NANP: variants seen among roughly 807,000 people sequenced by gnomAD.
NANP encodes the protein N-acetylneuraminic acid phosphatase, also known as N-acylneuraminate-9-phosphatase.
In NANP, 15 loss-of-function variants were observed where a neutral mutation model predicts 16.9. That is an observed-to-expected ratio of 0.89 (90% confidence interval 0.59 to 1.37). The LOEUF is 1.37. NANP is among the 40% of genes most tolerant of loss of function. NANP has a pLI of 0.00. For missense variants in NANP, 290 were observed against 303.5 expected, an observed-to-expected ratio of 0.96 and a Z score of 0.33; for synonymous variants, 135 against 112.6, an observed-to-expected ratio of 1.20 and a Z score of -1.26.
chr20:25,621,692 C>G (rs6115229), intron 1 of NANP, among the ~76,000 whole-genome samples: 62,213 of 152,060 alleles, frequency 0.41, 13,893 homozygotes, highest in East Asian at 0.91. Context: ...GTAGCTGGGA[C>G]TACAGGCGCC....
rs1377656361 is a variant in NANP at position 25,615,013 on chromosome 20, A to G, written c.*912T>C. ...AAAAAAGGAACAGATTGGGGGCTGC[A>G]TTGTTAGGCTACACTGAGGAAATGT... is the stretch of plus-strand genomic sequence containing the variant. On this transcript the variant is annotated 3_prime_UTR_variant, in exon 2 of 2. Coordinates refer to ENST00000304788, the MANE Select transcript of NANP (RefSeq NM_152667.3). 6.6e-6 allele frequency: 1 copy of G among 152,158 alleles called. No individual in the cohort carries two copies. The highest frequency in any genetic ancestry group is 1.9e-4 in the East Asian group (1 of 5,198). 9.4% of individuals were successfully genotyped at this position (152,158 alleles called of 1,614,324 possible). A position where few individuals can be genotyped will look rare whatever the true frequency, so the allele number is the denominator to read the frequency against.
rs897285080 is a variant in NANP at position 25,614,230 on chromosome 20, C to A, written c.*1695G>T. On this transcript the variant is annotated 3_prime_UTR_variant, in exon 2 of 2. Transcript: ENST00000304788. Reference sequence around the variant, plus strand: ...AAAGAAATAGGCTCACAGATAGGTACAATCTACAATTTGATTCTCTGAGTA... The same window carrying A: ...AAAGAAATAGGCTCACAGATAGGTAAAATCTACAATTTGATTCTCTGAGTA... 1 of 169,396 alleles carries A rather than the reference C, an allele frequency of 5.9e-6. No homozygotes were observed. The highest frequency in any genetic ancestry group is 2.4e-5 in the African/African-American group (1 of 42,184). 10.5% of individuals were successfully genotyped at this position (169,396 alleles called of 1,614,324 possible).
At position 25,616,067 on chromosome 20, in the gene NANP, C is replaced by G. The variant is rs747400690; in HGVS notation, c.605G>C (p.Gly202Ala). 6.2e-7 allele frequency: 1 copy of G among 1,614,184 alleles called. No homozygotes were observed. Among genetic ancestry groups the G allele is most frequent in the East Asian group, 2.2e-5 (1 of 44,884 alleles). The change falls in exon 2 of 2, where the codon GGA becomes GCA. Residue 202 changes from glycine (G) to alanine (A), a missense_variant. Transcript: ENST00000304788. ...ETDIQGGLNA[G>A]LKATVWINKN... is the part of the protein sequence containing the mutation. ...ATTGATCCAGACTGTTGCTTTCAAT[C>G]CTGCATTGAGGCCTCCTTGGATGTC...
rs1008796232 is a variant in NANP at position 25,613,113 on chromosome 20, A to T, written c.*2812T>A. On this transcript the variant is annotated 3_prime_UTR_variant, in exon 2 of 2. Transcript: ENST00000304788. ...GATCCCATACACATATTAATGTTAT[A>T]CTATAAAATGTTATATTTATATTTA... The T allele has an allele frequency of 2.6e-5, 4 of 151,870 alleles. No individual in the cohort carries two copies. The highest frequency in any genetic ancestry group is 7.3e-5 in the African/African-American group (3 of 41,378). 9.4% of individuals were successfully genotyped at this position (151,870 alleles called of 1,614,324 possible). A position where few individuals can be genotyped will look rare whatever the true frequency, so the allele number is the denominator to read the frequency against.
Position 25,613,745 on chromosome 20 carries a change from A to AT in NANP, c.*2179dup. The AT allele has an allele frequency of 2.5e-6, 1 of 398,480 alleles. No individual in the cohort carries two copies. Among genetic ancestry groups the AT allele is most frequent in the Non-Finnish European group, 4.4e-6 (1 of 226,004 alleles). 24.7% of individuals were successfully genotyped at this position (398,480 alleles called of 1,614,324 possible). On this transcript the variant is annotated 3_prime_UTR_variant, in exon 2 of 2. Coordinates refer to ENST00000304788, the MANE Select transcript of NANP (RefSeq NM_152667.3). Reference sequence around the variant, plus strand: ...GAAGACAAGGAAATTTAATTATTCAATTTTTTCCTTCTACATCATTTCTGC... The same window carrying AT: ...GAAGACAAGGAAATTTAATTATTCAATTTTTTTCCTTCTACATCATTTCTGC...
Position 25,615,855 on chromosome 20 carries a change from G to T in NANP, c.*70C>A. The T allele has an allele frequency of 7.2e-7, 1 of 1,386,108 alleles. No homozygotes were observed. Among genetic ancestry groups the T allele is most frequent in the Non-Finnish European group, 9.9e-7 (1 of 1,014,836 alleles). 85.9% of individuals were successfully genotyped at this position (1,386,108 alleles called of 1,614,324 possible). A position where few individuals can be genotyped will look rare whatever the true frequency, so the allele number is the denominator to read the frequency against. On this transcript the variant is annotated 3_prime_UTR_variant, in exon 2 of 2. Transcript: ENST00000304788. ...AGAGCTGGATTATCATAAGTGGAGTGCCCTAACTTTTCTTATTTCATACTC... is the reference window on the plus strand; with the variant it reads ...AGAGCTGGATTATCATAAGTGGAGTTCCCTAACTTTTCTTATTTCATACTC...
In NANP at chr20:25,615,163, C is replaced by T. The variant is rs2065337812; in HGVS notation, c.*762G>A. On this transcript the variant is annotated 3_prime_UTR_variant, in exon 2 of 2. Coordinates refer to ENST00000304788, the MANE Select transcript of NANP (RefSeq NM_152667.3). ...CTGGGAAAAGACAGTAAAAACATTT[C>T]CTTGAGAGGTGAAGACTAAAAGGAA... 1 of 152,510 alleles carries T rather than the reference C, an allele frequency of 6.6e-6. No individual in the cohort carries two copies. The highest frequency in any genetic ancestry group is 2.4e-5 in the African/African-American group (1 of 41,396). 9.4% of individuals were successfully genotyped at this position (152,510 alleles called of 1,614,324 possible).
At chr20:25,622,027 G>A (rs1320883517) in intron 1 of NANP, among the ~76,000 whole-genome samples, 1 of 152,204 alleles carries the variant, frequency 6.6e-6, no homozygotes, top group East Asian at 1.9e-4. Flanking sequence ...TTTAGTAGTA[G>A]GCACCTGAGT....
rs368803135 is a variant in NANP at position 25,615,975 on chromosome 20, A to G, written c.697T>C (p.Leu233=). The change falls in exon 2 of 2, where the codon TTA becomes CTA. Residue 233 remains leucine (L), a synonymous_variant. Transcript: ENST00000304788. The stretch of plus-strand genomic sequence containing the variant: ...TCTATACTTTGTAAGAGAGCAGGTA[A>G]CTCTAGCACAGAAGAAACCATGTAA... The part of the protein sequence containing the change: ...PHYMVSSVLE[L]PALLQSIDCK... The G allele has an allele frequency of 1.9e-6, 3 of 1,613,974 alleles. No homozygotes were observed. The highest frequency in any genetic ancestry group is 1.7e-6 in the Non-Finnish European group (2 of 1,180,020).
chr20:25,619,573 G>C (rs2065357316), intron 1 of NANP, among the ~76,000 whole-genome samples: 1 of 152,086 alleles, frequency 6.6e-6, no homozygotes, highest in African/African-American at 2.4e-5. Context: ...CCAGCCCTAG[G>C]AATTTTAGGT....
At chr20:25,621,417 G>A (rs2065363729) in intron 1 of NANP, among the ~76,000 whole-genome samples, 1 of 152,048 alleles carries the variant, frequency 6.6e-6, no homozygotes, top group South Asian at 2.1e-4. Flanking sequence ...TGAAAAACAG[G>A]TCTAAAGAGG....
rs879695294 is a variant in NANP at position 25,615,315 on chromosome 20, G to GA, written c.*609dup. On this transcript the variant is annotated 3_prime_UTR_variant, in exon 2 of 2. Coordinates refer to ENST00000304788, the MANE Select transcript of NANP (RefSeq NM_152667.3). ...ATAGAAAAATTGCTCCCTGCCCTCT[G>GA]AAAAAAAAAAAAATGTCATACAGAA... 173 of 134,950 alleles carry GA rather than the reference G, an allele frequency of 1.3e-3. No individual in the cohort carries two copies. The highest frequency in any genetic ancestry group is 1.8e-3 in the African/African-American group (65 of 36,680). The allele number at this position is 134,950 out of a possible 1,614,324, so 8.4% of individuals were successfully genotyped here. A position where few individuals can be genotyped will look rare whatever the true frequency, so the allele number is the denominator to read the frequency against.
chr20:25,617,280 C>G (rs906159766), intron 1 of NANP, among the ~76,000 whole-genome samples: 1 of 152,120 alleles, frequency 6.6e-6, no homozygotes, highest in Non-Finnish European at 1.5e-5. Context: ...GGCACCAGCT[C>G]GGCTCACTGC....
intron 1 of NANP, among the ~76,000 whole-genome samples, chr20:25,622,171 G>T (rs1468563019): frequency 6.6e-6 from 1 of 152,184 alleles, no homozygotes; most frequent in African/African-American, 2.4e-5. Flanking sequence ...TATTGCTGTG[G>T]CAAGAATGTG....
In NANP at chr20:25,616,043, T is replaced by C. The variant is rs761385972; in HGVS notation, c.629A>G (p.Asn210Ser). ...NAGLKATVWINKNGIVPLKSS... is the reference protein window; with the variant it reads ...NAGLKATVWISKNGIVPLKSS... ...CTTCAGTGGCACTATTCCATTTTTATTGATCCAGACTGTTGCTTTCAATCC... is the reference window on the plus strand; with the variant it reads ...CTTCAGTGGCACTATTCCATTTTTACTGATCCAGACTGTTGCTTTCAATCC... Residue 210 changes from asparagine (N) to serine (S), a missense_variant, in exon 2 of 2, where the codon AAT (asparagine) becomes AGT (serine). By Grantham distance (46) the Asn-to-Ser change is conservative (BLOSUM62 1). Coordinates refer to ENST00000304788, the MANE Select transcript of NANP (RefSeq NM_152667.3). 9 of 1,614,248 alleles carry C rather than the reference T, an allele frequency of 5.6e-6. No homozygotes were observed. Among genetic ancestry groups the C allele is most frequent in the Non-Finnish European group, 6.8e-6 (8 of 1,180,042 alleles).
rs1180227612 is a variant in NANP, at chr20:25,616,093, G to A, written c.579C>T (p.Thr193=). ...DCVMVGDTLE[T]DIQGGLNAGL... Reference sequence around the variant, plus strand: ...CTGCATTGAGGCCTCCTTGGATGTCGGTTTCTAATGTGTCACCGACCATCA... The same window carrying A: ...CTGCATTGAGGCCTCCTTGGATGTCAGTTTCTAATGTGTCACCGACCATCA... The change falls in exon 2 of 2, where the codon ACC becomes ACT. Residue 193 remains threonine (T), a synonymous_variant. Transcript: ENST00000304788. 1.5e-5 allele frequency: 24 copies of A among 1,613,954 alleles called. No homozygotes were observed. The highest frequency in any genetic ancestry group is 2.2e-5 in the South Asian group (2 of 91,078).
chr20:25,621,482 A>T (rs1216089310), intron 1 of NANP, among the ~76,000 whole-genome samples: 1 of 152,246 alleles, frequency 6.6e-6, no homozygotes, highest in East Asian at 1.9e-4. Flanking sequence ...TGATACATAC[A>T]GTCAGTATAT....
At chr20:25,617,644 G>A (rs1010804831) in intron 1 of NANP, among the ~76,000 whole-genome samples, 7 of 151,958 alleles carry the variant, frequency 4.6e-5, no homozygotes, top group African/African-American at 1.5e-4. Flanking sequence ...AGCCTCCCGC[G>A]TAGGTGAGAC....
chr20:25,616,914 T>C (rs750174112), intron 1 of NANP, among the ~76,000 whole-genome samples: 1 of 152,184 alleles, frequency 6.6e-6, no homozygotes, highest in Non-Finnish European at 1.5e-5. Context: ...GGGCCGGGCA[T>C]GGTGGCTCAT....
Sources: allele counts gnomAD v4.1 joint callset (sites outside exome capture counted in the v4.1 genomes callset), GRCh38; gene constraint gnomAD v4.1.1; transcripts MANE v1.5; gene names NCBI Gene and HGNC (gene_info 2026-07-23, HGNC 2026-07-21).